The following ENPP2 variants were observed in gnomAD, a reference collection of about 807,000 sequenced individuals.
The protein encoded by ENPP2 is ectonucleotide pyrophosphatase/phosphodiesterase 2, also known as autotaxin.
Under a neutral mutation model 120.2 loss-of-function variants are expected in ENPP2, and 51 were observed. That is an observed-to-expected ratio of 0.42 (90% CI 0.34 to 0.54). The LOEUF is 0.54. ENPP2 is among the 20% of genes least tolerant of loss of function. The pLI is 0.04. For synonymous variants in ENPP2, 365 were observed against 366.4 expected (o/e 1.00, Z 0.04); for missense variants, 920 against 1,066.5 (o/e 0.86, Z 1.91).
At chr8:119,661,366 T>C (rs1174618249) in intron 1 of ENPP2, among the ~76,000 whole-genome samples, 1 of 152,122 alleles carries the variant, frequency 6.6e-6, no homozygotes, top group African/African-American at 2.4e-5. Flanking sequence ...TGAATAGACA[T>C]TTCTCAAAAG....
chr8:119,642,052 T>G (rs1209351141), upstream of ENPP2, among the ~76,000 whole-genome samples: 1 of 152,228 alleles, frequency 6.6e-6, no homozygotes, highest in Non-Finnish European at 1.5e-5. Flanking sequence ...AGAGCTTTAA[T>G]TTTAGGCCAT....
In ENPP2 at chr8:119,583,820, A is replaced by G; in HGVS notation, c.1456-16T>C. ...CAAAAACAGTCTTCCAAAAGAAAAG[A>G]AAAACAAAAACAGTTAAGCATTGTT... On this transcript the variant is annotated splice_polypyrimidine_tract_variant and intron_variant, in intron 16 of 24. Coordinates refer to ENST00000075322, the MANE Select transcript of ENPP2 (RefSeq NM_001040092.3). 1 of 1,527,626 alleles carries G rather than the reference A, an allele frequency of 6.5e-7. No homozygotes were observed. Among genetic ancestry groups the G allele is most frequent in the Non-Finnish European group, 9.0e-7 (1 of 1,106,532 alleles). The allele number at this position is 1,527,626 out of a possible 1,614,324, so 94.6% of individuals were successfully genotyped here.
chr8:119,558,722 G>C (rs758169638), intron 24 of ENPP2, among the ~76,000 whole-genome samples: 21 of 151,330 alleles, frequency 1.4e-4, no homozygotes, highest in Non-Finnish European at 2.8e-4. Flanking sequence ...CATTGAGCAG[G>C]ACCTTTGCAA....
intron 4 of ENPP2, among the ~76,000 whole-genome samples, chr8:119,619,612 C>G (rs928264577): frequency 3.3e-5 from 5 of 151,658 alleles, no homozygotes; most frequent in Admixed American, 2.6e-4. Context: ...TTGTATCCCT[C>G]CAGAAATAAA....
chr8:119,659,320 T>TAGAAAAAAAAAAAAAA (rs1817853673), intron 1 of ENPP2, among the ~76,000 whole-genome samples: 1 of 64,890 alleles, frequency 1.5e-5, no homozygotes, highest in Non-Finnish European at 3.5e-5. Flanking sequence ...CTGTCTCAAT[T>TAGAAAAAAAAAAAAAA]AAAAAAAAAA....
chr8:119,593,931 T>G (rs549051229), intron 11 of ENPP2, 71 bp from the exon 12 acceptor site: 11 of 885,938 alleles, frequency 1.2e-5, no homozygotes, highest in Non-Finnish European at 2.1e-5. Flanking sequence ...ATAGATCTTC[T>G]ACCCCTAGAA....
chr8:119,568,189 T>C lies in ENPP2; in HGVS notation c.2117A>G (p.Tyr706Cys), dbSNP rs1814635240. ...ATTGGACTTACGTTTGAAAGCAGGA[T>C]ACATTGGAACCATATTGGTTACAAG... ...AFLVTNMVPM[Y>C]PAFKRVWNYF... The change falls in exon 22 of 25, where the codon TAT becomes TGT. Residue 706 changes from tyrosine (Y) to cysteine (C), a missense_variant. Coordinates refer to ENST00000075322, the MANE Select transcript of ENPP2 (RefSeq NM_001040092.3). 1 of 1,572,956 alleles carries C rather than the reference T, an allele frequency of 6.4e-7. No homozygotes were observed. Among genetic ancestry groups the C allele is most frequent in the Non-Finnish European group, 8.7e-7 (1 of 1,143,328 alleles).
At chr8:119,593,021 T>C in intron 12 of ENPP2, 1 of 929,316 alleles carries the variant, frequency 1.1e-6, no homozygotes, top group East Asian at 1.2e-4. Flanking sequence ...TGTTTCAATC[T>C]AATAGTTCCG....
chr8:119,586,169 G>A lies in ENPP2; in HGVS notation c.1367+17C>T, dbSNP rs781685738. The A allele has an allele frequency of 1.2e-6, 2 of 1,611,884 alleles. No homozygotes were observed. Among genetic ancestry groups the A allele is most frequent in the African/African-American group, 2.7e-5 (2 of 74,834 alleles). On this transcript the variant is annotated intron_variant, in intron 15 of 24. Coordinates refer to ENST00000075322, the MANE Select transcript of ENPP2 (RefSeq NM_001040092.3). ...GTTGTGGAAATGAGAAACAGAAATAGCCCATATACCAGTTACCTTGCAACA... is the reference window on the plus strand; with the variant it reads ...GTTGTGGAAATGAGAAACAGAAATAACCCATATACCAGTTACCTTGCAACA...
intron 24 of ENPP2, among the ~76,000 whole-genome samples, chr8:119,562,235 GA>G (rs1395712286): frequency 1.3e-5 from 2 of 151,890 alleles, no homozygotes; most frequent in African/African-American, 4.8e-5. Context: ...TTGAGGTCAG[GA>G]GTTCAAGACC....
intron 17 of ENPP2, 27 bp downstream of exon 17, chr8:119,583,690 A>G (rs772692083): frequency 2.5e-6 from 3 of 1,224,260 alleles, no homozygotes; most frequent in East Asian, 2.3e-5. Context: ...GATTGTTTCA[A>G]TGGTTCTGAT....
At chr8:119,658,118 A>G (rs1354234677) in intron 1 of ENPP2, among the ~76,000 whole-genome samples, 2 of 152,216 alleles carry the variant, frequency 1.3e-5, no homozygotes, top group Admixed American at 6.5e-5. Flanking sequence ...TAAAATAATA[A>G]CACGTAATAT....
chr8:119,637,346 C>A (rs1339670818), intron 2 of ENPP2, among the ~76,000 whole-genome samples: 1 of 152,158 alleles, frequency 6.6e-6, no homozygotes, highest in Non-Finnish European at 1.5e-5. Flanking sequence ...ACTCTTAACC[C>A]CGCCACACCC....
chr8:119,576,792 T>C (rs1812372153), intron 19 of ENPP2, among the ~76,000 whole-genome samples: 1 of 152,210 alleles, frequency 6.6e-6, no homozygotes, highest in African/African-American at 2.4e-5. Flanking sequence ...ACATTAGGTA[T>C]ATGAGATCCA....
At chr8:119,603,069 C>T (rs1814429603) in intron 9 of ENPP2, among the ~76,000 whole-genome samples, 2 of 152,150 alleles carry the variant, frequency 1.3e-5, no homozygotes, top group African/African-American at 4.8e-5. Context: ...TATTCCAATG[C>T]TATTGGATAA....
At chr8:119,626,223 T>G (rs894996681) in intron 3 of ENPP2, among the ~76,000 whole-genome samples, 1 of 151,938 alleles carries the variant, frequency 6.6e-6, no homozygotes, top group Non-Finnish European at 1.5e-5. Context: ...AAAAAGAACA[T>G]ACACAATTTT....
intron 1 of ENPP2, among the ~76,000 whole-genome samples, chr8:119,662,982 T>C (rs1250387184): frequency 6.6e-6 from 1 of 151,890 alleles, no homozygotes; most frequent in Non-Finnish European, 1.5e-5. Context: ...CCAGGTGTGA[T>C]GGCACACACC....
chr8:119,616,017 T>C (rs997757240), intron 8 of ENPP2, among the ~76,000 whole-genome samples: 10 of 151,742 alleles, frequency 6.6e-5, no homozygotes, highest in African/African-American at 2.4e-4. Flanking sequence ...TATGTACACA[T>C]ACATAAATAT....
chr8:119,586,443 A>G (rs1044225721), intron 14 of ENPP2, 130 bp from the exon 15 acceptor site: 3 of 727,996 alleles, frequency 4.1e-6, no homozygotes, highest in Non-Finnish European at 6.9e-6. Flanking sequence ...AATGAAATTT[A>G]TTTCTATTAA....
Sources: allele counts gnomAD v4.1 joint callset (sites outside exome capture counted in the v4.1 genomes callset), GRCh38; gene constraint gnomAD v4.1.1; transcripts MANE v1.5; gene names NCBI Gene and HGNC (gene_info 2026-07-23, HGNC 2026-07-21).